Variants in ZNF595 observed in about 807,000 individuals in gnomAD.
The protein encoded by ZNF595 is zinc finger protein 595.
Under a neutral mutation model 19.4 loss-of-function variants are expected in ZNF595, and 9 were observed. The ratio of observed to expected loss-of-function variants is 0.46; its 90% confidence interval spans 0.28 to 0.81. The LOEUF is 0.81. Among genes scored for constraint, ZNF595 ranks in the 30% least tolerant of loss-of-function variants. ZNF595 has a pLI of 0.11. For synonymous variants in ZNF595, 255 were observed against 255.9 expected (o/e 1.00, Z 0.03); for missense variants, 729 against 736.0 (o/e 0.99, Z 0.11).
At chr4:80,586 G>A (rs1333763749) in intron 3 of ZNF595, among the ~76,000 whole-genome samples, 1 of 152,058 alleles carries the variant, frequency 6.6e-6, no homozygotes, top group African/African-American at 2.4e-5. Context: ...GGGAGATAGG[G>A]GTGGGGCAGT....
chr4:85,216 G>A (rs140551577), intron 3 of ZNF595, among the ~76,000 whole-genome samples: 264 of 152,278 alleles, frequency 1.7e-3, no homozygotes, highest in African/African-American at 6.2e-3. Flanking sequence ...ATTTAACACT[G>A]CAGCCTGCTC....
chr4:69,048 C>T (rs962988775), intron 3 of ZNF595, among the ~76,000 whole-genome samples: 10 of 152,172 alleles, frequency 6.6e-5, no homozygotes, highest in African/African-American at 2.4e-4. Context: ...ACATAATGAC[C>T]TCTAGTTCTA....
rs782215134 is a variant in ZNF595 at position 85,803 on chromosome 4, T to C, written c.299T>C (p.Leu100Pro). Residue 100 changes from leucine (L) to proline (P), a missense_variant, in exon 4 of 4, where the codon CTG (leucine) becomes CCG (proline). Coordinates refer to ENST00000610261, the MANE Select transcript of ZNF595 (RefSeq NM_182524.4). ...GAAGATTCATTCCACAAACTTATAC[T>C]GAAAAGATACGAGAAATGTGGACAT... ...GIEDSFHKLI[L>P]KRYEKCGHEN... The C allele has an allele frequency of 1.9e-6, 3 of 1,613,832 alleles. No homozygotes were observed. Among genetic ancestry groups the C allele is most frequent in the Non-Finnish European group, 1.7e-6 (2 of 1,179,814 alleles).
chr4:69,189 T>G (rs1337956699), intron 3 of ZNF595, among the ~76,000 whole-genome samples: 1 of 152,254 alleles, frequency 6.6e-6, no homozygotes, highest in Non-Finnish European at 1.5e-5. Context: ...AAATCTTGGC[T>G]AATGTGAACA....
At chr4:77,322 CA>C (rs71164491) in intron 3 of ZNF595, among the ~76,000 whole-genome samples, 46,498 of 147,372 alleles carry the variant, frequency 0.32, 7,487 homozygotes, top group South Asian at 0.48. Flanking sequence ...TGTGTTCTTG[CA>C]AAAAAAAAAA....
rs1714293795 is a variant in ZNF595, at chr4:87,712, T to TTA, written c.*262_*263dup. ...ATTACACACAGTCCAGTTATACACT[T>TTA]TAATTTTTTTTTTTTTTTTTTTTTT... On this transcript the variant is annotated 3_prime_UTR_variant, in exon 4 of 4. Transcript: ENST00000610261. 4.4e-6 allele frequency: 1 copy of TTA among 226,862 alleles called. No individual in the cohort carries two copies. Among genetic ancestry groups the TTA allele is most frequent in the East Asian group, 8.3e-5 (1 of 11,980 alleles). The allele number at this position is 226,862 out of a possible 1,614,324, so 14.1% of individuals were successfully genotyped here.
chr4:70,105 A>G (rs1291883244), intron 3 of ZNF595, among the ~76,000 whole-genome samples: 1 of 152,180 alleles, frequency 6.6e-6, no homozygotes, highest in Non-Finnish European at 1.5e-5. Flanking sequence ...GCTTGAGTCA[A>G]CACTACTAAA....
intron 3 of ZNF595, among the ~76,000 whole-genome samples, chr4:81,657 A>G (rs1048925690): frequency 6.6e-6 from 1 of 152,212 alleles, no homozygotes; most frequent in African/African-American, 2.4e-5. Context: ...TTATCTTGCA[A>G]AGCTAACACT....
At chr4:68,755 C>T (rs1321731921) in intron 3 of ZNF595, among the ~76,000 whole-genome samples, 3 of 152,274 alleles carry the variant, frequency 2.0e-5, no homozygotes, top group South Asian at 2.1e-4. Context: ...CTTTATTTTA[C>T]GAACAATCTA....
At chr4:71,845 G>A (rs1713445092) in intron 3 of ZNF595, among the ~76,000 whole-genome samples, 1 of 151,978 alleles carries the variant, frequency 6.6e-6, no homozygotes, top group Non-Finnish European at 1.5e-5. Context: ...TCAGAATTGT[G>A]GAAGGGGAAA....
chr4:85,799 A>G lies in ZNF595; in HGVS notation c.295A>G (p.Ile99Val), dbSNP rs11729127. 419 of 1,613,818 alleles carry G rather than the reference A, an allele frequency of 2.6e-4. 1 individual carries two copies. Among genetic ancestry groups the G allele is most frequent in the Non-Finnish European group, 3.5e-4 (409 of 1,179,814 alleles). Residue 99 changes from isoleucine (I) to valine (V), a missense_variant, in exon 4 of 4, where the codon ATA becomes GTA. This residue lies in a region of ZNF595 where 729 missense variants were observed against 675.3 expected (regional missense o/e 1.08). Coordinates refer to ENST00000610261, the MANE Select transcript of ZNF595 (RefSeq NM_182524.4). ...QGIEDSFHKLILKRYEKCGHE... is the reference protein window; with the variant it reads ...QGIEDSFHKLVLKRYEKCGHE... ...GATAGAAGATTCATTCCACAAACTT[A>G]TACTGAAAAGATACGAGAAATGTGG...
chr4:57,827 T>C (rs1231229410), intron 1 of ZNF595, among the ~76,000 whole-genome samples: 1 of 152,014 alleles, frequency 6.6e-6, no homozygotes, highest in Non-Finnish European at 1.5e-5. Context: ...AATATTTAAC[T>C]TCAAATATAA....
intron 3 of ZNF595, among the ~76,000 whole-genome samples, chr4:75,336 A>C (rs1265207420): frequency 6.6e-6 from 1 of 152,230 alleles, no homozygotes; most frequent in Admixed American, 6.5e-5. Flanking sequence ...TCTGATGAGA[A>C]TCATACTTCC....
chr4:87,609 T>A lies in ZNF595; in HGVS notation c.*158T>A. The A allele has an allele frequency of 1.7e-6, 1 of 576,296 alleles. No individual in the cohort carries two copies. Among genetic ancestry groups the A allele is most frequent in the Non-Finnish European group, 2.8e-6 (1 of 357,880 alleles). 35.7% of individuals were successfully genotyped at this position (576,296 alleles called of 1,614,324 possible). On this transcript the variant is annotated 3_prime_UTR_variant, in exon 4 of 4. Coordinates refer to ENST00000610261, the MANE Select transcript of ZNF595 (RefSeq NM_182524.4). ...GTATCTATTCATGGCTTATTTGGAT[T>A]ATTTTGATACAGGCATATGACATGT... is the stretch of plus-strand genomic sequence containing the variant.
intron 3 of ZNF595, among the ~76,000 whole-genome samples, chr4:79,195 A>G (rs1553799369): frequency 6.6e-6 from 1 of 152,126 alleles, no homozygotes; most frequent in African/African-American, 2.4e-5. Flanking sequence ...GTAATTATAT[A>G]ATGTCTGTTT....
intron 3 of ZNF595, among the ~76,000 whole-genome samples, chr4:71,227 T>G (rs928403308): frequency 1.6e-4 from 24 of 152,214 alleles, no homozygotes; most frequent in African/African-American, 5.8e-4. Flanking sequence ...AGTGTTCTAG[T>G]TAATTAGGTT....
chr4:77,841 G>A (rs1713737065), intron 3 of ZNF595, among the ~76,000 whole-genome samples: 1 of 152,142 alleles, frequency 6.6e-6, no homozygotes, highest in South Asian at 2.1e-4. Flanking sequence ...TGTGGCTCCT[G>A]ATGTGTGGCT....
intron 1 of ZNF595, among the ~76,000 whole-genome samples, chr4:54,983 G>A (rs1435710436): frequency 6.6e-5 from 10 of 151,102 alleles, no homozygotes; most frequent in Admixed American, 2.0e-4. Context: ...CCAGGTTCAC[G>A]CCATTCTCCT....
chr4:72,518 G>A (rs1007791581), intron 3 of ZNF595, among the ~76,000 whole-genome samples: 16 of 152,148 alleles, frequency 1.1e-4, no homozygotes, highest in African/African-American at 3.6e-4. Flanking sequence ...TAGTTGATAA[G>A]TCTACTCTGT....
Sources: allele counts gnomAD v4.1 joint callset (sites outside exome capture counted in the v4.1 genomes callset), GRCh38; gene constraint gnomAD v4.1.1; regional missense constraint gnomAD v4.1.1; transcripts MANE v1.5; gene names NCBI Gene and HGNC (gene_info 2026-07-23, HGNC 2026-07-21).